The following ELMO1 variants were observed in gnomAD, a reference collection of about 807,000 sequenced individuals.
The protein encoded by ELMO1 is engulfment and cell motility 1.
A neutral mutation model predicts 98.9 loss-of-function variants in ELMO1; 26 were observed. The ratio of observed to expected loss-of-function variants is 0.26; its 90% CI spans 0.19 to 0.36. The LOEUF (loss-of-function observed/expected upper bound fraction) is 0.36, where lower values mean the gene tolerates loss of function less well. ELMO1 is among the 10% of genes least tolerant of loss of function. The pLI is 1.00. For missense variants in ELMO1, 627 were observed against 935.2 expected (o/e 0.67, Z 4.30); for synonymous variants, 346 against 346.0 (o/e 1.00, Z 0.00).
chr7:37,206,641 G>C (rs2130373914), intron 13 of ELMO1, among the ~76,000 whole-genome samples: 1 of 152,164 alleles, frequency 6.6e-6, no homozygotes, highest in South Asian at 2.1e-4. Context: ...CACCCAAGAA[G>C]GTAGAAAATC....
At chr7:37,373,507 G>A (rs1300319757) in intron 1 of ELMO1, among the ~76,000 whole-genome samples, 1 of 151,942 alleles carries the variant, frequency 6.6e-6, no homozygotes, top group Non-Finnish European at 1.5e-5. Flanking sequence ...TACTCAGGAG[G>A]CTGAGGCAGG....
intron 15 of ELMO1, among the ~76,000 whole-genome samples, chr7:37,079,290 T>C (rs2129233730): frequency 6.6e-6 from 1 of 152,326 alleles, no homozygotes; most frequent in South Asian, 2.1e-4. Flanking sequence ...CTTTAAATGG[T>C]CATCTGTATC....
chr7:37,096,902 T>C (rs1784389811), intron 14 of ELMO1, among the ~76,000 whole-genome samples, 175 bp from the exon 15 acceptor site: 1 of 152,042 alleles, frequency 6.6e-6, no homozygotes, highest in Non-Finnish European at 1.5e-5. Flanking sequence ...GTCTCATTTA[T>C]CCCCCCCAAA....
At chr7:36,868,336 C>T (rs914085302) in intron 20 of ELMO1, among the ~76,000 whole-genome samples, 12 of 106,820 alleles carry the variant, frequency 1.1e-4, no homozygotes, top group Admixed American at 7.1e-4. Flanking sequence ...GCTTCTTCTT[C>T]TTCTTCTTCT....
chr7:37,316,596 C>T (rs763727301), intron 2 of ELMO1, among the ~76,000 whole-genome samples: 1 of 152,148 alleles, frequency 6.6e-6, no homozygotes, highest in Non-Finnish European at 1.5e-5. Context: ...AACAGCCACA[C>T]TTGTGCTCCG....
rs979663024 is a variant in ELMO1, at chr7:36,970,219, A to G, written c.1437+43080T>C. ...CACACACACACACACACACACACAC[A>G]CGCACACCAAGGATCATATGCTGAA... is the stretch of plus-strand genomic sequence containing the variant. On this transcript the variant is annotated intron_variant, in intron 16 of 21. Transcript: ENST00000310758. 1.0e-3 allele frequency among the ~76,000 whole-genome samples: 154 copies of G among 149,142 alleles called. 1 individual carries two copies. Among genetic ancestry groups the G allele is most frequent in the African/African-American group, 3.2e-3 (131 of 40,554 alleles).
At chr7:37,167,436 A>G (rs1329169568) in intron 13 of ELMO1, among the ~76,000 whole-genome samples, 1 of 151,644 alleles carries the variant, frequency 6.6e-6, no homozygotes, top group Non-Finnish European at 1.5e-5. Context: ...CCTAGTCTCA[A>G]TGGTCTTTAC....
At position 37,314,880 on chromosome 7, in the gene ELMO1, G is replaced by A. The variant is rs368913504; in HGVS notation, c.162C>T (p.Ala54=). The part of the protein sequence containing the change: ...ANHEYFALQH[A]DSSNFYITEK... ...CTGTGATATAGAAGTTTGAACTATC[G>A]GCATGCTGGAGTGCAAAATATTCAT... Residue 54 remains alanine, a synonymous_variant, in exon 4 of 22, where the codon GCC becomes GCT. Coordinates refer to ENST00000310758, the MANE Select transcript of ELMO1 (RefSeq NM_014800.11). The A allele has an allele frequency of 3.1e-5, 50 of 1,613,532 alleles. No individual in the cohort carries two copies. The East Asian group carries it at 5.8e-4, about 19-fold the overall frequency.
At chr7:36,958,287 G>A (rs373261133) in intron 16 of ELMO1, among the ~76,000 whole-genome samples, 10 of 152,102 alleles carry the variant, frequency 6.6e-5, no homozygotes, top group Non-Finnish European at 1.2e-4. Flanking sequence ...CTGAACAGCC[G>A]AACAGGCTGG....
intron 1 of ELMO1, among the ~76,000 whole-genome samples, chr7:37,445,184 C>T (rs1282269063): frequency 3.3e-5 from 5 of 152,148 alleles, no homozygotes; most frequent in African/African-American, 1.2e-4. Context: ...GGGTTACAGC[C>T]GTAAGCTTAA....
chr7:36,920,422 T>C (rs1164554536), intron 16 of ELMO1, among the ~76,000 whole-genome samples: 1 of 152,226 alleles, frequency 6.6e-6, no homozygotes, highest in Non-Finnish European at 1.5e-5. Flanking sequence ...TCAGCTGATT[T>C]GTGGATATTA....
intron 6 of ELMO1, among the ~76,000 whole-genome samples, chr7:37,252,347 G>C (rs2953536): frequency 0.32 from 48,022 of 152,022 alleles, 7,704 homozygotes; most frequent in Middle Eastern, 0.43. Flanking sequence ...CAAGGCTACA[G>C]TAACCAGAAC....
rs1158810117 is a variant in ELMO1, at chr7:37,131,995, C to T, written c.1191+1135G>A. Among the ~76,000 whole-genome samples the T allele has an allele frequency of 2.6e-5, 4 of 152,134 alleles. No homozygotes were observed. The South Asian group carries it at 8.3e-4, about 32-fold the overall frequency. On this transcript the variant is annotated intron_variant, in intron 14 of 21. Coordinates refer to ENST00000310758, the MANE Select transcript of ELMO1 (RefSeq NM_014800.11). Reference sequence around the variant, plus strand: ...CGGTCCCATAGATTACAGATTTTGGCCAGTAGCACACCACTAGGCATGGTG... The same window carrying T: ...CGGTCCCATAGATTACAGATTTTGGTCAGTAGCACACCACTAGGCATGGTG...
intron 13 of ELMO1, among the ~76,000 whole-genome samples, chr7:37,163,622 T>A (rs1414132554): frequency 1.8e-4 from 28 of 152,262 alleles, no homozygotes; most frequent in Non-Finnish European, 2.6e-4. Context: ...GATAGTTTAC[T>A]GAGAATGATG....
At chr7:36,866,931 G>A (rs1201874855) in intron 20 of ELMO1, among the ~76,000 whole-genome samples, 1 of 152,152 alleles carries the variant, frequency 6.6e-6, no homozygotes, top group Non-Finnish European at 1.5e-5. Context: ...AGGTAAAATC[G>A]TGGCTTTCCT....
intron 1 of ELMO1, among the ~76,000 whole-genome samples, chr7:37,343,857 C>T (rs895211539): frequency 3.9e-5 from 6 of 152,120 alleles, no homozygotes; most frequent in Non-Finnish European, 7.4e-5. Context: ...TGTACAAAGA[C>T]GGACAGTGTA....
intron 20 of ELMO1, among the ~76,000 whole-genome samples, chr7:36,863,959 A>G (rs1304566389): frequency 6.6e-6 from 1 of 152,208 alleles, no homozygotes; most frequent in Non-Finnish European, 1.5e-5. Context: ...CTCATGCTTG[A>G]GAGATTGAAG....
At chr7:37,227,688 C>T (rs1212444027) in intron 8 of ELMO1, among the ~76,000 whole-genome samples, 1 of 152,134 alleles carries the variant, frequency 6.6e-6, no homozygotes, top group Non-Finnish European at 1.5e-5. Flanking sequence ...ACCCAGCCTA[C>T]ACTCAGTGTT....
chr7:37,386,148 T>C (rs570008040), intron 1 of ELMO1, among the ~76,000 whole-genome samples: 1 of 152,316 alleles, frequency 6.6e-6, no homozygotes, highest in African/African-American at 2.4e-5. Context: ...CCTTGAGGAA[T>C]TAGCATACTT....
Sources: allele counts gnomAD v4.1 joint callset (sites outside exome capture counted in the v4.1 genomes callset), GRCh38; gene constraint gnomAD v4.1.1; transcripts MANE v1.5; gene names NCBI Gene and HGNC (gene_info 2026-07-23, HGNC 2026-07-21).